Variants in PCDHGA7 observed in about 807,000 individuals in gnomAD.
PCDHGA7 encodes protocadherin gamma subfamily A, 7, also known as protocadherin gamma-A7.
In PCDHGA7, 44 loss-of-function variants were observed where a neutral mutation model predicts 58.3. The ratio of observed to expected loss-of-function variants is 0.75; its 90% CI spans 0.59 to 0.97. PCDHGA7 has a LOEUF of 0.97. Among genes scored for constraint, PCDHGA7 ranks in the 50% least tolerant of loss-of-function variants. PCDHGA7 has a pLI of 0.00. For synonymous variants in PCDHGA7, 516 were observed against 504.2 expected (o/e 1.02, Z -0.31); for missense variants, 1,266 against 1,188.7 (o/e 1.06, Z -0.96).
chr5:141,499,486 C>T (rs569172977), intron 2 of PCDHGA7, among the ~76,000 whole-genome samples: 3 of 152,284 alleles, frequency 2.0e-5, no homozygotes, highest in East Asian at 1.9e-4. Context: ...CCACCAACTA[C>T]AGTTTAATAT....
At chr5:141,414,048 G>A in intron 1 of PCDHGA7, 1 of 1,610,508 alleles carries the variant, frequency 6.2e-7, no homozygotes, top group Non-Finnish European at 8.5e-7. Flanking sequence ...TACCTGACAC[G>A]CAATTGTTGA....
At chr5:141,388,835 G>T in intron 1 of PCDHGA7, 1 of 1,613,946 alleles carries the variant, frequency 6.2e-7, no homozygotes, top group South Asian at 1.1e-5. Flanking sequence ...CCATAGTTTT[G>T]GAAGCAAGGG....
chr5:141,487,258 G>A lies in PCDHGA7; in HGVS notation c.2425-7549G>A, dbSNP rs368598017. The A allele has an allele frequency of 3.7e-6, 6 of 1,614,026 alleles. No homozygotes were observed. Among genetic ancestry groups the A allele is most frequent in the Non-Finnish European group, 4.2e-6 (5 of 1,180,030 alleles). On this transcript the variant is annotated intron_variant, in intron 1 of 3. Transcript: ENST00000518325. The surrounding 1 kb of genome is among the most constrained non-coding windows in gnomAD (Gnocchi z 5.0). ...CTCGTCTAACCCTCTACTTGGCTGT[G>A]TCCCTAGTGGCAATTTGCTTTGTCT...
chr5:141,465,688 G>C (rs1386213425), intron 1 of PCDHGA7, among the ~76,000 whole-genome samples: 1 of 152,086 alleles, frequency 6.6e-6, no homozygotes, highest in African/African-American at 2.4e-5. Context: ...TGACCAGTCT[G>C]CTTTTGCATT....
At chr5:141,505,202 T>C (rs778935321) in intron 2 of PCDHGA7, among the ~76,000 whole-genome samples, 191 bp from the exon 3 acceptor site, 3 of 152,012 alleles carry the variant, frequency 2.0e-5, no homozygotes, top group Non-Finnish European at 4.4e-5. Flanking sequence ...AAAGAGCTGG[T>C]TTGAGGGACT....
chr5:141,408,475 C>A, intron 1 of PCDHGA7: 3 of 1,614,032 alleles, frequency 1.9e-6, no homozygotes, highest in Non-Finnish European at 1.7e-6. Flanking sequence ...ACCGAATAGA[C>A]CGTGAGCAAA....
chr5:141,416,615 C>T (rs1156238298), intron 1 of PCDHGA7: 1 of 152,088 alleles, frequency 6.6e-6, no homozygotes, highest in Non-Finnish European at 1.5e-5. Context: ...AATGCCATTT[C>T]TGCAGATCAG....
At chr5:141,386,950 A>C (rs538175836) in intron 1 of PCDHGA7, among the ~76,000 whole-genome samples, 7 of 152,364 alleles carry the variant, frequency 4.6e-5, no homozygotes, top group Non-Finnish European at 8.8e-5. Context: ...GCAGTGCTTC[A>C]GTGCAGCAGA....
chr5:141,427,568 T>A (rs1260622772), intron 1 of PCDHGA7: 1 of 660,576 alleles, frequency 1.5e-6, no homozygotes, highest in Admixed American at 2.1e-5. Flanking sequence ...AGGGCAAGCC[T>A]CCGCTCTCAT....
At position 141,383,351 on chromosome 5, in the gene PCDHGA7, G is replaced by C; in HGVS notation, c.452G>C (p.Arg151Pro). The C allele has an allele frequency of 6.2e-7, 1 of 1,613,992 alleles. No homozygotes were observed. Among genetic ancestry groups the C allele is most frequent in the Non-Finnish European group, 8.5e-7 (1 of 1,179,896 alleles). Residue 151 changes from arginine to proline, a missense_variant, in exon 1 of 4, where the codon CGG becomes CCG. Coordinates refer to ENST00000518325, the MANE Select transcript of PCDHGA7 (RefSeq NM_018920.4). ...KIMENTAPGV[R>P]FPLSEAGDPD... The stretch of plus-strand genomic sequence containing the variant: ...ATGGAGAATACAGCTCCTGGGGTTC[G>C]GTTTCCGTTAAGCGAGGCTGGGGAT...
At chr5:141,407,505 T>TTTTTTTTTTTTTTTTTTTTTGAG (rs1460306566) in intron 1 of PCDHGA7, among the ~76,000 whole-genome samples, 2 of 152,146 alleles carry the variant, frequency 1.3e-5, no homozygotes, top group African/African-American at 4.8e-5. Context: ...CTGTTTTTCT[T>TTTTTTTTTTTTTTTTTTTTTGAG]AGGCTATGTA....
At position 141,409,164 on chromosome 5, in the gene PCDHGA7, C is replaced by T. The variant is rs115772303; in HGVS notation, c.2424+23841C>T. ...GAAAGGTACACCATGGAAGTGGAAG[C>T]GAAGGACGGAGGTGGTCTCTCTACC... On this transcript the variant is annotated intron_variant, in intron 1 of 3. Transcript: ENST00000518325. 2.0e-3 allele frequency: 3,227 copies of T among 1,613,908 alleles called. 51 individuals are homozygous for T. In the African/African-American group the frequency reaches 0.029, roughly 14 times the overall value.
chr5:141,424,005 C>A, intron 1 of PCDHGA7: 1 of 1,070,322 alleles, frequency 9.3e-7, no homozygotes. Context: ...TATATAGATA[C>A]AAATTAATGA....
rs765661515 is a variant in PCDHGA7 at position 141,398,665 on chromosome 5, T to C, written c.2424+13342T>C. The stretch of plus-strand genomic sequence containing the variant: ...ACTCTCTCTTAACCCAAGTTTCTCA[T>C]TAATAATTAAGGAGAAACAGGATGG... On this transcript the variant is annotated intron_variant, in intron 1 of 3. Transcript: ENST00000518325. 1.9e-6 allele frequency: 3 copies of C among 1,614,002 alleles called. No homozygotes were observed. In the South Asian group the frequency reaches 3.3e-5, roughly 18 times the overall value.
At chr5:141,389,281 G>T in intron 1 of PCDHGA7, 2 of 1,614,012 alleles carry the variant, frequency 1.2e-6, no homozygotes, top group Non-Finnish European at 1.7e-6. Context: ...AACCCGCCTG[G>T]AGCCTCTATT....
At chr5:141,412,424 C>G (rs1383441983) in intron 1 of PCDHGA7, 1 of 152,136 alleles carries the variant, frequency 6.6e-6, no homozygotes, top group Non-Finnish European at 1.5e-5. Flanking sequence ...ATGTTTTACA[C>G]AAAAAGGTTA....
intron 1 of PCDHGA7, chr5:141,427,848 C>A: frequency 6.4e-7 from 1 of 1,551,668 alleles, no homozygotes; most frequent in Non-Finnish European, 8.8e-7. Flanking sequence ...CGACCACGAG[C>A]AGCTGTGCGC....
At chr5:141,456,421 A>C (rs1358944131) in intron 1 of PCDHGA7, among the ~76,000 whole-genome samples, 1 of 152,150 alleles carries the variant, frequency 6.6e-6, no homozygotes, top group Non-Finnish European at 1.5e-5. Context: ...GAAACAATTC[A>C]AGTTATAGTA....
At position 141,491,318 on chromosome 5, in the gene PCDHGA7, A is replaced by C; in HGVS notation, c.2425-3489A>C. The C allele has an allele frequency of 6.2e-7, 1 of 1,613,862 alleles. No individual in the cohort carries two copies. The highest frequency in any genetic ancestry group is 8.5e-7 in the Non-Finnish European group (1 of 1,179,916). On this transcript the variant is annotated intron_variant, in intron 1 of 3. Transcript: ENST00000518325. The surrounding 1 kb of genome is among the most constrained non-coding windows in gnomAD (Gnocchi z 6.9). ...CCTGAGCGTTCAGACCTTACCCTTT[A>C]CCTCATTGTGGCTCTAGCGACCGTC...
Sources: allele counts gnomAD v4.1 joint callset (sites outside exome capture counted in the v4.1 genomes callset), GRCh38; gene constraint gnomAD v4.1.1; non-coding constraint Gnocchi (gnomAD v3.1); transcripts MANE v1.5; gene names NCBI Gene and HGNC (gene_info 2026-07-23, HGNC 2026-07-21).